Variants in ZNF211 observed in about 807,000 individuals in gnomAD.
ZNF211 encodes zinc finger protein C2H2-25.
Under a neutral mutation model 12.1 loss-of-function variants are expected in ZNF211, and 18 were observed. The observed-to-expected ratio is 1.48, with a 90% CI of 1.03 to 2.20. The LOEUF is 2.20. Among genes scored for constraint, ZNF211 ranks in the 30% most tolerant of loss-of-function variants. ZNF211 has a pLI of 0.00. For synonymous variants in ZNF211, 249 were observed against 246.0 expected (o/e 1.01, Z -0.11); for missense variants, 677 against 703.1 (o/e 0.96, Z 0.42).
rs1983150548 is a variant in ZNF211 at position 57,642,914 on chromosome 19, C to T, written c.*733C>T. 6.6e-6 allele frequency: 1 copy of T among 152,142 alleles called. No homozygotes were observed. The allele number at this position is 152,142 out of a possible 1,614,324, so 9.4% of individuals were successfully genotyped here. A position where few individuals can be genotyped will look rare whatever the true frequency, so the allele number is the denominator to read the frequency against. On this transcript the variant is annotated 3_prime_UTR_variant, in exon 4 of 4. Coordinates refer to ENST00000240731, the MANE Select transcript of ZNF211 (RefSeq NM_006385.5). Reference sequence around the variant, plus strand: ...CAGTATAATGGAAAAATACAACTGTCTTTCCAGCTTTGGCCTAATCTGAAT... The same window carrying T: ...CAGTATAATGGAAAAATACAACTGTTTTTCCAGCTTTGGCCTAATCTGAAT...
rs183239755 is a variant in ZNF211, at chr19:57,643,051, G to A, written c.*870G>A. ...CTCAAAGGACACCCTGAGGAAGTGG[G>A]AAATTGTGACAAATTCCATTGCTTC... On this transcript the variant is annotated 3_prime_UTR_variant, in exon 4 of 4. Transcript: ENST00000240731. 2.5e-3 allele frequency among the ~76,000 whole-genome samples: 373 copies of A among 152,232 alleles called. 3 individuals are homozygous for A. Among genetic ancestry groups the A allele is most frequent in the African/African-American group, 8.6e-3 (357 of 41,534 alleles).
Position 57,642,144 on chromosome 19 carries a change from T to C in ZNF211, c.1697T>C (p.Ile566Thr), listed in dbSNP as rs568459484. 8.8e-5 allele frequency: 142 copies of C among 1,613,174 alleles called. 1 individual carries two copies. In the South Asian group the frequency reaches 1.5e-3, roughly 17 times the overall value. The part of the protein sequence containing the change: ...GKSFGCKSVL[I>T]QHQRVHIGEK... ...TCCTTTGGCTGCAAATCTGTCCTCA[T>C]TCAACACCAGAGAGTTCACATTGGA... Residue 566 changes from isoleucine (I) to threonine (T), a missense_variant, in exon 4 of 4, where the codon ATT becomes ACT. Physicochemically the swap from Ile to Thr is moderately conservative, Grantham distance 89 (BLOSUM62 -1). Transcript: ENST00000240731.
At chr19:57,640,497 A>G (rs1301783300) in intron 3 of ZNF211, among the ~76,000 whole-genome samples, 1 of 152,186 alleles carries the variant, frequency 6.6e-6, no homozygotes, top group East Asian at 1.9e-4. Context: ...AGCCTTGTGC[A>G]CTGTACCTGG....
At position 57,641,758 on chromosome 19, in the gene ZNF211, C is replaced by G. The variant is rs1459849850; in HGVS notation, c.1311C>G (p.Pro437=). 6.2e-7 allele frequency: 1 copy of G among 1,611,776 alleles called. No individual in the cohort carries two copies. Among genetic ancestry groups the G allele is most frequent in the South Asian group, 1.1e-5 (1 of 90,936 alleles). ...HHRRLHTGER[P]YECSKCGKSF... ...GGAGACTTCACACTGGAGAAAGACCCTATGAGTGCAGTAAATGTGGGAAGT... is the reference window on the plus strand; with the variant it reads ...GGAGACTTCACACTGGAGAAAGACCGTATGAGTGCAGTAAATGTGGGAAGT... Residue 437 remains proline (P), a synonymous_variant, in exon 4 of 4, where the codon CCC becomes CCG. Transcript: ENST00000240731.
rs1981709065 is a variant in ZNF211, at chr19:57,633,530, A to G, written c.90+94A>G. On this transcript the variant is annotated intron_variant, in intron 1 of 3. Coordinates refer to ENST00000240731, the MANE Select transcript of ZNF211 (RefSeq NM_006385.5). ...ACGTCTCTGTAGCACAGGGTCGGGGACACTGAGGCTCGTGGGTGGGGCCCC... is the reference window on the plus strand; with the variant it reads ...ACGTCTCTGTAGCACAGGGTCGGGGGCACTGAGGCTCGTGGGTGGGGCCCC... 1.3e-5 allele frequency: 20 copies of G among 1,498,266 alleles called. No individual in the cohort carries two copies. The South Asian group carries it at 1.8e-4, about 13-fold the overall frequency. The allele number at this position is 1,498,266 out of a possible 1,614,324, so 92.8% of individuals were successfully genotyped here.
chr19:57,634,549 G>A (rs2122166450), intron 2 of ZNF211, 80 bp from the exon 3 acceptor site: 1 of 1,431,996 alleles, frequency 7.0e-7, no homozygotes, highest in Non-Finnish European at 9.2e-7. Context: ...GGGATCTTGG[G>A]AGGAGAATGT....
chr19:57,643,833 G>T lies in ZNF211; in HGVS notation c.*1652G>T, dbSNP rs1177590969. 1.3e-5 allele frequency among the ~76,000 whole-genome samples: 2 copies of T among 152,002 alleles called. No individual in the cohort carries two copies. Among genetic ancestry groups the T allele is most frequent in the Non-Finnish European group, 2.9e-5 (2 of 68,002 alleles). On this transcript the variant is annotated 3_prime_UTR_variant, in exon 4 of 4. Transcript: ENST00000240731. ...TTTGTTTGTATTTTCTATAATATAT[G>T]ATTTTATTAATAAAATGTCTTTTTT...
chr19:57,635,772 A>C lies in ZNF211; in HGVS notation c.256+1017A>C, dbSNP rs191923398. On this transcript the variant is annotated intron_variant, in intron 3 of 3. Transcript: ENST00000240731. ...GGCCCAAAAGTAGAATTTCTGGATC[A>C]TAAGGTAATTATTTTTAATTTTTAA... 3.1e-3 allele frequency among the ~76,000 whole-genome samples: 478 copies of C among 152,288 alleles called. 4 individuals carry two copies. Among genetic ancestry groups the C allele is most frequent in the Middle Eastern group, 6.8e-3 (2 of 294 alleles).
At chr19:57,639,978 A>G in intron 3 of ZNF211, 1 of 1,535,928 alleles carries the variant, frequency 6.5e-7, no homozygotes, top group Non-Finnish European at 8.7e-7. Flanking sequence ...TCTGTTCTTC[A>G]CAGGATGTTC....
intron 3 of ZNF211, among the ~76,000 whole-genome samples, chr19:57,637,524 G>A (rs1982295697): frequency 6.6e-6 from 1 of 152,046 alleles, no homozygotes; most frequent in African/African-American, 2.4e-5. Flanking sequence ...CAAGTAGCTG[G>A]GATTACAGGT....
chr19:57,634,594 A>G, intron 2 of ZNF211, 35 bp from the exon 3 acceptor site: 3 of 1,497,756 alleles, frequency 2.0e-6, no homozygotes, highest in East Asian at 2.5e-5. Flanking sequence ...CCAAATTGAG[A>G]CTGTTCATGG....
intron 3 of ZNF211, among the ~76,000 whole-genome samples, chr19:57,639,559 G>A (rs1041822315): frequency 6.1e-5 from 9 of 148,656 alleles, no homozygotes; most frequent in African/African-American, 2.0e-4. Context: ...AATCCCTCCT[G>A]GGATTACAAA....
At chr19:57,636,905 A>G (rs1982216464) in intron 3 of ZNF211, among the ~76,000 whole-genome samples, 1 of 152,150 alleles carries the variant, frequency 6.6e-6, no homozygotes, top group Non-Finnish European at 1.5e-5. Context: ...TGTAGTTTCT[A>G]GTGTACAAGG....
At chr19:57,637,986 C>T (rs1179897652) in intron 3 of ZNF211, among the ~76,000 whole-genome samples, 3 of 151,090 alleles carry the variant, frequency 2.0e-5, no homozygotes, top group Non-Finnish European at 2.9e-5. Context: ...GCAACCTCCA[C>T]TTCCTGGATT....
At chr19:57,633,697 C>T (rs1182039864) in intron 1 of ZNF211, 1 of 1,533,828 alleles carries the variant, frequency 6.5e-7, no homozygotes, top group South Asian at 1.2e-5. Flanking sequence ...TGAGAGAGAT[C>T]TACCTTTATT....
At position 57,642,206 on chromosome 19, in the gene ZNF211, T is replaced by C. The variant is rs1983071109; in HGVS notation, c.*25T>C. 6 of 1,562,136 alleles carry C rather than the reference T, an allele frequency of 3.8e-6. No individual in the cohort carries two copies. Among genetic ancestry groups the C allele is most frequent in the Admixed American group, 1.9e-5 (1 of 53,534 alleles). ...GCTGTACTGAGAATATGCAATTTCC[T>C]TTTAGTGTAATTATACTGAAGGAGT... On this transcript the variant is annotated 3_prime_UTR_variant, in exon 4 of 4. Coordinates refer to ENST00000240731, the MANE Select transcript of ZNF211 (RefSeq NM_006385.5).
At position 57,641,322 on chromosome 19, in the gene ZNF211, A is replaced by G. The variant is rs1264340970; in HGVS notation, c.875A>G (p.His292Arg). Residue 292 changes from histidine (H) to arginine (R), a missense_variant, in exon 4 of 4, where the codon CAC becomes CGC. Transcript: ENST00000240731. ...RCNLIQHQKV[H>R]SEERPYECNE... ...AACCTCATTCAGCACCAGAAAGTCC[A>G]CAGTGAAGAAAGGCCTTATGAATGC... is the stretch of plus-strand genomic sequence containing the variant. 6.2e-7 allele frequency: 1 copy of G among 1,614,248 alleles called. No individual in the cohort carries two copies. Among genetic ancestry groups the G allele is most frequent in the Admixed American group, 1.7e-5 (1 of 60,030 alleles).
At position 57,633,436 on chromosome 19, in the gene ZNF211, G is replaced by A; in HGVS notation, c.90G>A (p.Ser30=). The A allele has an allele frequency of 6.3e-7, 1 of 1,596,796 alleles. No homozygotes were observed. ...CGACCGCACTGAGGGACCCGGCTTCGGTGAGCGCTGCGATCTCCGGGCCTC... is the reference window on the plus strand; with the variant it reads ...CGACCGCACTGAGGGACCCGGCTTCAGTGAGCGCTGCGATCTCCGGGCCTC... ...RMATALRDPA[S]VPIATEVLFK... Residue 30 remains serine (S), a splice_region_variant and synonymous_variant, in exon 1 of 4, where the codon TCG becomes TCA. Coordinates refer to ENST00000240731, the MANE Select transcript of ZNF211 (RefSeq NM_006385.5).
Position 57,642,449 on chromosome 19 carries a change from A to G in ZNF211, c.*268A>G. 2.4e-6 allele frequency: 1 copy of G among 417,750 alleles called. No homozygotes were observed. Among genetic ancestry groups the G allele is most frequent in the Non-Finnish European group, 4.3e-6 (1 of 232,306 alleles). The allele number at this position is 417,750 out of a possible 1,614,324, so 25.9% of individuals were successfully genotyped here. On this transcript the variant is annotated 3_prime_UTR_variant, in exon 4 of 4. Coordinates refer to ENST00000240731, the MANE Select transcript of ZNF211 (RefSeq NM_006385.5). ...ATCATGTCTACCACCTGTGAGGTCCACACAGTGTGTATCATTTACCTCCTG... is the reference window on the plus strand; with the variant it reads ...ATCATGTCTACCACCTGTGAGGTCCGCACAGTGTGTATCATTTACCTCCTG...
Sources: gnomAD v4.1 joint callset for allele counts (sites outside exome capture counted in the v4.1 genomes callset) on GRCh38, gnomAD v4.1.1 for gene constraint, MANE v1.5 for transcripts, NCBI Gene and HGNC (gene_info 2026-07-23, HGNC 2026-07-21) for gene names.